The following IQCJ variants were observed in gnomAD, a reference collection of about 807,000 sequenced individuals.
IQCJ encodes IQ domain-containing protein J.
A neutral mutation model predicts 11.0 loss-of-function variants in IQCJ; 9 were observed. That is an observed-to-expected ratio of 0.82 (90% CI 0.49 to 1.43). IQCJ has a LOEUF of 1.43. Ranked by LOEUF, IQCJ falls within the 40% of genes most tolerant of loss-of-function variation. The probability of loss-of-function intolerance (pLI) is 0.00; values close to 1 mark genes in which losing one functional copy is unlikely to be tolerated. For missense variants in IQCJ, 146 were observed against 133.2 expected (o/e 1.10, Z -0.47); for synonymous variants, 55 against 51.3 (o/e 1.07, Z -0.31).
chr3:159,227,121 T>A (rs918370664), intron 1 of IQCJ, among the ~76,000 whole-genome samples: 1 of 152,182 alleles, frequency 6.6e-6, no homozygotes, highest in African/African-American at 2.4e-5. Flanking sequence ...ATGATCCAGG[T>A]TTAAGTAATG....
At chr3:159,261,465 C>A (rs1238519754) in intron 3 of IQCJ, among the ~76,000 whole-genome samples, 2 of 152,112 alleles carry the variant, frequency 1.3e-5, no homozygotes, top group Non-Finnish European at 2.9e-5. Flanking sequence ...AGGGTGTGAC[C>A]AGATGTAGAC....
intron 1 of IQCJ, among the ~76,000 whole-genome samples, chr3:159,103,900 G>A (rs1718082944): frequency 6.6e-6 from 1 of 152,240 alleles, no homozygotes; most frequent in South Asian, 2.1e-4. Context: ...ATACTGCATT[G>A]GTTTAATTTA....
chr3:159,228,652 G>A (rs1429992838), intron 1 of IQCJ, among the ~76,000 whole-genome samples: 6 of 151,920 alleles, frequency 3.9e-5, no homozygotes, highest in South Asian at 4.1e-4. Flanking sequence ...TTAGCCGGGC[G>A]TAGTGGCGGG....
At chr3:159,249,676 C>T (rs947355806) in intron 2 of IQCJ, among the ~76,000 whole-genome samples, 4 of 152,228 alleles carry the variant, frequency 2.6e-5, no homozygotes, top group African/African-American at 7.2e-5. Context: ...TTCGTTATAG[C>T]TGCAGCTGAC....
intron 2 of IQCJ, among the ~76,000 whole-genome samples, chr3:159,248,464 A>G (rs1213550946): frequency 6.6e-6 from 1 of 152,266 alleles, no homozygotes; most frequent in African/African-American, 2.4e-5. Context: ...TGTAAACAAT[A>G]ACTAAAGAGT....
At chr3:159,083,940 G>C (rs954830610) in intron 1 of IQCJ, among the ~76,000 whole-genome samples, 14 of 152,040 alleles carry the variant, frequency 9.2e-5, no homozygotes, top group African/African-American at 3.4e-4. Context: ...GCCGTAAAAG[G>C]GTAAAAGGAG....
chr3:159,107,251 A>G (rs961078571), intron 1 of IQCJ, among the ~76,000 whole-genome samples: 3 of 152,154 alleles, frequency 2.0e-5, no homozygotes, highest in Admixed American at 6.5e-5. Context: ...CAGGGCCCTT[A>G]TGAATAGGCT....
chr3:159,071,350 T>C (rs1715547079), intron 1 of IQCJ, among the ~76,000 whole-genome samples: 1 of 151,990 alleles, frequency 6.6e-6, no homozygotes, highest in African/African-American at 2.4e-5. Flanking sequence ...CTATTTTAGG[T>C]CCTATTCATT....
intron 1 of IQCJ, among the ~76,000 whole-genome samples, chr3:159,238,660 A>C (rs2108173750): frequency 6.6e-6 from 1 of 152,246 alleles, no homozygotes; most frequent in East Asian, 1.9e-4. Flanking sequence ...AGGGTGGGGT[A>C]CCCAACTTTC....
intron 1 of IQCJ, among the ~76,000 whole-genome samples, chr3:159,177,150 G>A (rs779867797): frequency 6.6e-6 from 1 of 152,192 alleles, no homozygotes; most frequent in Non-Finnish European, 1.5e-5. Context: ...CCAGGCCAAA[G>A]AATTAATAGT....
intron 1 of IQCJ, among the ~76,000 whole-genome samples, chr3:159,079,604 T>C (rs1716172742): frequency 6.6e-6 from 1 of 152,104 alleles, no homozygotes; most frequent in Non-Finnish European, 1.5e-5. Flanking sequence ...TATATAGCCA[T>C]TGAAACTTTA....
intron 1 of IQCJ, among the ~76,000 whole-genome samples, chr3:159,213,297 G>T (rs1725051116): frequency 6.6e-6 from 1 of 152,152 alleles, no homozygotes; most frequent in Non-Finnish European, 1.5e-5. Flanking sequence ...AGCATTCAAG[G>T]TGGAGCCACT....
At chr3:159,076,759 A>G (rs1715946327) in intron 1 of IQCJ, among the ~76,000 whole-genome samples, 1 of 152,092 alleles carries the variant, frequency 6.6e-6, no homozygotes, top group African/African-American at 2.4e-5. Context: ...GAGCACAGAG[A>G]CAGAATGCAT....
intron 1 of IQCJ, among the ~76,000 whole-genome samples, chr3:159,085,357 G>A (rs1716657169): frequency 6.6e-6 from 1 of 151,906 alleles, no homozygotes; most frequent in Non-Finnish European, 1.5e-5. Context: ...TTGCTATTGT[G>A]AATAATGCCA....
chr3:159,148,155 C>T (rs538741642), intron 1 of IQCJ, among the ~76,000 whole-genome samples: 82 of 152,312 alleles, frequency 5.4e-4, no homozygotes, highest in Middle Eastern at 3.4e-3. Context: ...GTACTTTATT[C>T]CTCACTTAAT....
intron 1 of IQCJ, among the ~76,000 whole-genome samples, chr3:159,075,765 A>G (rs1282905644): frequency 6.6e-6 from 1 of 152,164 alleles, no homozygotes; most frequent in Non-Finnish European, 1.5e-5. Context: ...TCTTCATGGC[A>G]GATGAATGAG....
chr3:159,114,546 A>C (rs1718839404), intron 1 of IQCJ, among the ~76,000 whole-genome samples: 1 of 85,850 alleles, frequency 1.2e-5, no homozygotes. Flanking sequence ...CCTGACCTCC[A>C]GTGATCCACC....
intron 1 of IQCJ, among the ~76,000 whole-genome samples, chr3:159,140,579 A>G (rs1039774169): frequency 6.6e-6 from 1 of 152,222 alleles, no homozygotes; most frequent in Non-Finnish European, 1.5e-5. Context: ...AAGAGCAAAC[A>G]AGGAACATGA....
chr3:159,143,104 TAAG>T (rs1720720941), intron 1 of IQCJ, among the ~76,000 whole-genome samples: 1 of 152,204 alleles, frequency 6.6e-6, no homozygotes, highest in Non-Finnish European at 1.5e-5. Context: ...CATCAGCTCT[TAAG>T]AAAGAAAATT....
Sources: gnomAD v4.1 joint callset for allele counts (sites outside exome capture counted in the v4.1 genomes callset) on GRCh38, gnomAD v4.1.1 for gene constraint, MANE v1.5 for transcripts, NCBI Gene and HGNC (gene_info 2026-07-23, HGNC 2026-07-21) for gene names.